The following TRIM25 variants were observed in gnomAD, a reference collection of about 807,000 sequenced individuals.
The protein encoded by TRIM25 is E3 ubiquitin/ISG15 ligase TRIM25.
Under a neutral mutation model 65.2 loss-of-function variants are expected in TRIM25, and 45 were observed. The ratio of observed to expected loss-of-function variants is 0.69; its 90% CI spans 0.54 to 0.89. The LOEUF (loss-of-function observed/expected upper bound fraction) is 0.89. Ranked by LOEUF, TRIM25 falls within the 40% of genes least tolerant of loss-of-function variation. TRIM25 has a pLI of 0.00. For missense variants in TRIM25, 714 were observed against 803.7 expected (o/e 0.89, Z 1.35); for synonymous variants, 321 against 340.4 (o/e 0.94, Z 0.63).
In TRIM25 at chr17:56,892,240, A is replaced by G. The variant is rs1461401739; in HGVS notation, c.1364-11T>C. The G allele has an allele frequency of 6.3e-7, 1 of 1,579,482 alleles. No individual in the cohort carries two copies. The highest frequency in any genetic ancestry group is 1.1e-5 in the South Asian group (1 of 87,906). ...TGACTTTAATGTAATCTGAGAAAAC[A>G]TCACCCCAAGGAATTAATTACAAGG... is the stretch of plus-strand genomic sequence containing the variant. On this transcript the variant is annotated splice_polypyrimidine_tract_variant and intron_variant, in intron 8 of 8. Coordinates refer to ENST00000316881, the MANE Select transcript of TRIM25 (RefSeq NM_005082.5).
At chr17:56,900,382 G>GAATA (rs999758834) in intron 4 of TRIM25, among the ~76,000 whole-genome samples, 3 of 152,030 alleles carry the variant, frequency 2.0e-5, no homozygotes, top group Non-Finnish European at 2.9e-5. Context: ...GCAAGATCCT[G>GAATA]AATAAATAAA....
rs1014840631 is a variant in TRIM25, at chr17:56,894,358, C to A, written c.1363+985G>T. Among the ~76,000 whole-genome samples the A allele has an allele frequency of 4.6e-5, 7 of 152,346 alleles. No homozygotes were observed. In the East Asian group the frequency reaches 1.3e-3, roughly 29 times the overall value. On this transcript the variant is annotated intron_variant, in intron 8 of 8. Transcript: ENST00000316881. ...CCACCTCCCAAGTTCAAGTGATTCT[C>A]GTGCCTCAGCCTCCCAAGTAGCTGG...
Position 56,901,404 on chromosome 17 carries a change from G to A in TRIM25, c.1087+15C>T, listed in dbSNP as rs1480597829. The A allele has an allele frequency of 3.1e-6, 5 of 1,612,914 alleles. No individual in the cohort carries two copies. The highest frequency in any genetic ancestry group is 4.2e-6 in the Non-Finnish European group (5 of 1,179,678). On this transcript the variant is annotated intron_variant, in intron 4 of 8. Transcript: ENST00000316881. ...GGGTTCCACAGGGGGCAGCATAGGG[G>A]GCTGCTAAGGTCACCTGAACTGGGG...
At chr17:56,895,289 G>A (rs556298952) in intron 8 of TRIM25, 54 bp downstream of exon 8, 20 of 1,423,492 alleles carry the variant, frequency 1.4e-5, no homozygotes, top group African/African-American at 1.3e-4. Flanking sequence ...TGCACAGAGC[G>A]GCGCAGGAGA....
intron 3 of TRIM25, among the ~76,000 whole-genome samples, chr17:56,903,313 T>C (rs1470976100): frequency 6.6e-6 from 1 of 152,120 alleles, no homozygotes; most frequent in East Asian, 1.9e-4. Context: ...GGCAGGAGGA[T>C]CACTTGAGCC....
In TRIM25 at chr17:56,901,491, G is replaced by A; in HGVS notation, c.1015C>T (p.Gln339Ter). Residue 339 changes from glutamine (Q) to a stop codon, truncating the protein, a stop_gained, in exon 4 of 9, where the codon CAG (glutamine) becomes TAG (stop). Coordinates refer to ENST00000316881, the MANE Select transcript of TRIM25 (RefSeq NM_005082.5). LOFTEE classifies it high-confidence loss of function. ...TCGTTTTTGAGGTCTATGGTGCTCT[G>A]GTGGATGCCTTTTATCAGCTTGTGG... ...LNHKLIKGIH[Q>*]STIDLKNELK... 1 of 1,614,164 alleles carries A rather than the reference G, an allele frequency of 6.2e-7. No individual in the cohort carries two copies. Among genetic ancestry groups the A allele is most frequent in the Non-Finnish European group, 8.5e-7 (1 of 1,180,030 alleles).
At chr17:56,892,815 G>A (rs1038569238) in intron 8 of TRIM25, among the ~76,000 whole-genome samples, 2 of 152,194 alleles carry the variant, frequency 1.3e-5, no homozygotes, top group Admixed American at 6.5e-5. Context: ...GAGAGACAAG[G>A]TGCCGGGCCT....
In TRIM25 at chr17:56,901,978, T is replaced by C. The variant is rs961158701; in HGVS notation, c.928-400A>G. On this transcript the variant is annotated intron_variant, in intron 3 of 8. Coordinates refer to ENST00000316881, the MANE Select transcript of TRIM25 (RefSeq NM_005082.5). Reference sequence around the variant, plus strand: ...GGGGAACAGCTCTAATCACACATTCTGGTAACAGACAGGGACATCTCAAGG... The same window carrying C: ...GGGGAACAGCTCTAATCACACATTCCGGTAACAGACAGGGACATCTCAAGG... Among the ~76,000 whole-genome samples, 2 of 152,160 alleles carry C rather than the reference T, an allele frequency of 1.3e-5. 1 individual carries two copies. Among genetic ancestry groups the C allele is most frequent in the African/African-American group, 4.8e-5 (2 of 41,424 alleles).
Position 56,914,002 on chromosome 17 carries a change from G to T in TRIM25, c.-14C>A, listed in dbSNP as rs775381059. 2.0e-6 allele frequency: 3 copies of T among 1,529,176 alleles called. No individual in the cohort carries two copies. The highest frequency in any genetic ancestry group is 2.6e-6 in the Non-Finnish European group (3 of 1,135,748). The allele number at this position is 1,529,176 out of a possible 1,614,324, so 94.7% of individuals were successfully genotyped here. On this transcript the variant is annotated 5_prime_UTR_variant, in exon 1 of 9. Transcript: ENST00000316881. ...CAGCTCTGCCATGGCGCTCCCAGGGGTCGGGACACAACTGCTGCACCCGCG... is the reference window on the plus strand; with the variant it reads ...CAGCTCTGCCATGGCGCTCCCAGGGTTCGGGACACAACTGCTGCACCCGCG...
chr17:56,911,139 C>T (rs919974780), intron 1 of TRIM25, among the ~76,000 whole-genome samples: 2 of 152,020 alleles, frequency 1.3e-5, no homozygotes, highest in Non-Finnish European at 2.9e-5. Context: ...TGTGGTGGTG[C>T]GTGCTTGTAG....
Position 56,889,765 on chromosome 17 carries a change from AATTGGTTTC to A in TRIM25, c.*1926_*1934del, listed in dbSNP as rs751040384. On this transcript the variant is annotated 3_prime_UTR_variant, in exon 9 of 9. Transcript: ENST00000316881. ...CAAGCCCAGCTGTTTCCCAAGTATT[AATTGGTTTC>A]AGACAAGGCTTTCGTTTCAGAAAAT... 1.9e-4 allele frequency: 75 copies of A among 398,492 alleles called. No homozygotes were observed. The highest frequency in any genetic ancestry group is 2.8e-4 in the Non-Finnish European group (63 of 226,070). The allele number at this position is 398,492 out of a possible 1,614,324, so 24.7% of individuals were successfully genotyped here. A position where few individuals can be genotyped will look rare whatever the true frequency, so the allele number is the denominator to read the frequency against.
intron 8 of TRIM25, among the ~76,000 whole-genome samples, chr17:56,894,438 TG>T: frequency 6.6e-6 from 1 of 152,196 alleles, no homozygotes; most frequent in African/African-American, 2.4e-5. Context: ...TTAGTAGAGA[TG>T]GGGTTTTGCC....
At chr17:56,895,286 A>T (rs1262811164) in intron 8 of TRIM25, 57 bp downstream of exon 8, 6 of 1,402,578 alleles carry the variant, frequency 4.3e-6, no homozygotes, top group Non-Finnish European at 5.0e-6. Flanking sequence ...AGCTGCACAG[A>T]GCGGCGCAGG....
rs760954019 is a variant in TRIM25, at chr17:56,895,616, G to A, written c.1181-12C>T. ...GGCAGGGACAGGGGCTGGGGGTAAG[G>A]AAAGGGAAATATGATACAGAGCAAC... is the stretch of plus-strand genomic sequence containing the variant. On this transcript the variant is annotated splice_polypyrimidine_tract_variant and intron_variant, in intron 6 of 8. Transcript: ENST00000316881. The A allele has an allele frequency of 2.6e-6, 4 of 1,548,254 alleles. No homozygotes were observed. Among genetic ancestry groups the A allele is most frequent in the Admixed American group, 1.9e-5 (1 of 51,574 alleles).
chr17:56,901,323 C>A, intron 4 of TRIM25, 96 bp downstream of exon 4: 8 of 1,399,384 alleles, frequency 5.7e-6, no homozygotes, highest in Non-Finnish European at 7.8e-6. Context: ...CCCCAGTGCT[C>A]GGGATCACGC....
rs369992231 is a variant in TRIM25, at chr17:56,893,873, G to A, written c.1363+1470C>T. Among the ~76,000 whole-genome samples the A allele has an allele frequency of 1.2e-4, 18 of 152,296 alleles. 1 individual carries two copies. Among genetic ancestry groups the A allele is most frequent in the Admixed American group, 1.3e-4 (2 of 15,306 alleles). On this transcript the variant is annotated intron_variant, in intron 8 of 8. Transcript: ENST00000316881. ...AAGGCGTCCCTGGATTTTGTGACACGGAGTACCCTGATGACCTCAGAGCTG... is the reference window on the plus strand; with the variant it reads ...AAGGCGTCCCTGGATTTTGTGACACAGAGTACCCTGATGACCTCAGAGCTG...
rs1567836751 is a variant in TRIM25, at chr17:56,890,627, T to A, written c.*1073A>T. On this transcript the variant is annotated 3_prime_UTR_variant, in exon 9 of 9. Coordinates refer to ENST00000316881, the MANE Select transcript of TRIM25 (RefSeq NM_005082.5). ...GAGGCAGCCGCATAGCCTGTCTGCA[T>A]GATAGCAGGCTTCAGGGATCCAGCT... is the stretch of plus-strand genomic sequence containing the variant. The A allele has an allele frequency of 2.2e-6, 1 of 456,658 alleles. No individual in the cohort carries two copies. Among genetic ancestry groups the A allele is most frequent in the Non-Finnish European group, 4.4e-6 (1 of 226,944 alleles). The allele number at this position is 456,658 out of a possible 1,614,324, so 28.3% of individuals were successfully genotyped here.
chr17:56,901,146 T>C (rs897873067), intron 4 of TRIM25, among the ~76,000 whole-genome samples: 3 of 152,144 alleles, frequency 2.0e-5, no homozygotes, highest in Non-Finnish European at 4.4e-5. Context: ...CCATCCAAGT[T>C]GGCCTCAAGA....
intron 2 of TRIM25, among the ~76,000 whole-genome samples, chr17:56,905,759 A>G (rs1909507602): frequency 6.6e-6 from 1 of 152,112 alleles, no homozygotes; most frequent in African/African-American, 2.4e-5. Flanking sequence ...GGAGTTCAAG[A>G]CCAGCCTGGG....
Sources: allele counts gnomAD v4.1 joint callset (sites outside exome capture counted in the v4.1 genomes callset), GRCh38; gene constraint gnomAD v4.1.1; transcripts MANE v1.5; gene names NCBI Gene and HGNC (gene_info 2026-07-23, HGNC 2026-07-21).